The following PDE4D variants were observed in gnomAD, a reference collection of about 807,000 sequenced individuals.
PDE4D encodes 3',5'-cyclic-AMP phosphodiesterase 4D.
PDE4D carries 24 observed loss-of-function variants against 87.4 expected under a neutral mutation model. The ratio of observed to expected loss-of-function variants is 0.27; its 90% confidence interval spans 0.20 to 0.39. The LOEUF is 0.39. Among genes scored for constraint, PDE4D ranks in the 10% least tolerant of loss-of-function variants. The pLI is 1.00. For synonymous variants in PDE4D, 384 were observed against 383.2 expected (o/e 1.00, Z -0.02); for missense variants, 714 against 1,041.0 (o/e 0.69, Z 4.32).
chr5:59,187,843 T>C (rs1743280311), intron 3 of PDE4D, among the ~76,000 whole-genome samples: 1 of 152,184 alleles, frequency 6.6e-6, no homozygotes, highest in Admixed American at 6.6e-5. Context: ...TATTATCTTC[T>C]ACAGTATGAC....
chr5:60,294,825 T>C lies in PDE4D; in HGVS notation c.-89-109138A>G, dbSNP rs370938987. On this transcript the variant is annotated intron_variant, in intron 1 of 16. Coordinates refer to the PDE4D transcript ENST00000502484. ...GTAGAATTGCTGTTGTTTTTCAAGA[T>C]TATTCTGACTATTCTACCTTCTTTA... 7.9e-5 allele frequency among the ~76,000 whole-genome samples: 12 copies of C among 152,216 alleles called. No individual in the cohort carries two copies. The East Asian group carries it at 1.7e-3, about 22-fold the overall frequency.
At chr5:59,304,444 T>C (rs1457790079) in intron 1 of PDE4D, among the ~76,000 whole-genome samples, 1 of 152,010 alleles carries the variant, frequency 6.6e-6, no homozygotes, top group African/African-American at 2.4e-5. Flanking sequence ...TGAAGAAGAG[T>C]GGTGAGAGTG....
chr5:59,925,884 TAG>T (rs1326036130), intron 3 of PDE4D, among the ~76,000 whole-genome samples: 1 of 152,062 alleles, frequency 6.6e-6, no homozygotes, highest in Non-Finnish European at 1.5e-5. Flanking sequence ...TTATTAGAGC[TAG>T]AGAGAGAGGT....
At chr5:59,184,621 A>C (rs992286537) in intron 4 of PDE4D, among the ~76,000 whole-genome samples, 14 of 152,124 alleles carry the variant, frequency 9.2e-5, no homozygotes, top group African/African-American at 3.4e-4. Flanking sequence ...TTGAAAAATT[A>C]CTTTTATCTT....
At chr5:60,471,208 T>C (rs1445772108) in intron 1 of PDE4D, among the ~76,000 whole-genome samples, 2 of 152,114 alleles carry the variant, frequency 1.3e-5, no homozygotes, top group Non-Finnish European at 1.5e-5. Context: ...GTGGTGGAAA[T>C]AGCAAGAGAA....
chr5:59,127,012 T>C (rs1273973667), intron 5 of PDE4D, among the ~76,000 whole-genome samples: 3 of 152,192 alleles, frequency 2.0e-5, no homozygotes, highest in Non-Finnish European at 4.4e-5. Context: ...AAAGACTTCG[T>C]AACCTCCAAG....
chr5:59,997,611 A>C (rs1312446043), intron 2 of PDE4D, among the ~76,000 whole-genome samples: 2 of 152,194 alleles, frequency 1.3e-5, no homozygotes, highest in East Asian at 3.8e-4. Context: ...TTCCCTTTCC[A>C]CATGCAGAGA....
chr5:58,990,420 A>G lies in PDE4D; in HGVS notation c.1287+384T>C, dbSNP rs1054223768. 2.6e-4 allele frequency among the ~76,000 whole-genome samples: 39 copies of G among 152,160 alleles called. 1 individual carries two copies. The highest frequency in any genetic ancestry group is 7.3e-5 in the Non-Finnish European group (5 of 68,036). ...GAAAGAAGCAGGACACAAGAAAGTG[A>G]CTGAAAAAACTATATTCTAAGGTTA... On this transcript the variant is annotated intron_variant, in intron 9 of 14. Transcript: ENST00000340635.
chr5:60,052,951 A>G (rs1196914320), intron 2 of PDE4D, among the ~76,000 whole-genome samples: 5 of 152,228 alleles, frequency 3.3e-5, no homozygotes, highest in Admixed American at 1.3e-4. Context: ...TGCTACAAAG[A>G]GAATAAAATA....
intron 1 of PDE4D, among the ~76,000 whole-genome samples, chr5:59,535,577 A>G (rs1424553774): frequency 6.6e-6 from 1 of 152,208 alleles, no homozygotes; most frequent in Non-Finnish European, 1.5e-5. Flanking sequence ...GTTGTCAACA[A>G]TAGTGTTTCA....
intron 5 of PDE4D, among the ~76,000 whole-genome samples, chr5:59,090,861 C>T (rs1768599106): frequency 1.6e-5 from 2 of 125,174 alleles, no homozygotes; most frequent in African/African-American, 6.2e-5. Context: ...TCAGGAGATG[C>T]TGCAAAATAT....
intron 1 of PDE4D, among the ~76,000 whole-genome samples, chr5:60,212,125 G>A (rs1164248379): frequency 1.3e-5 from 2 of 152,054 alleles, no homozygotes; most frequent in Non-Finnish European, 2.9e-5. Flanking sequence ...TTTATTTTAA[G>A]TGTCACTAAA....
chr5:60,493,321 G>A (rs1749633096), intron 1 of PDE4D, among the ~76,000 whole-genome samples: 1 of 152,208 alleles, frequency 6.6e-6, no homozygotes, highest in Admixed American at 6.5e-5. Context: ...GGAGAAAAAA[G>A]AGGGTTACCG....
At chr5:59,519,636 A>AG in intron 1 of PDE4D, among the ~76,000 whole-genome samples, 1 of 152,200 alleles carries the variant, frequency 6.6e-6, no homozygotes, top group South Asian at 2.1e-4. Context: ...GTAGAAGTTT[A>AG]ACAGACATAG....
At chr5:59,269,599 C>T (rs1763442669) in intron 1 of PDE4D, among the ~76,000 whole-genome samples, 1 of 151,776 alleles carries the variant, frequency 6.6e-6, no homozygotes, top group Non-Finnish European at 1.5e-5. Context: ...CAGTCATTAG[C>T]TTAGTGGTTT....
At chr5:59,805,584 A>G (rs1032448083) in intron 1 of PDE4D, among the ~76,000 whole-genome samples, 2 of 152,192 alleles carry the variant, frequency 1.3e-5, no homozygotes, top group African/African-American at 4.8e-5. Flanking sequence ...AAGTCAGGAC[A>G]TTTTCACTTC....
chr5:58,980,881 A>G (rs1744959697), intron 11 of PDE4D, among the ~76,000 whole-genome samples: 2 of 152,184 alleles, frequency 1.3e-5, no homozygotes, highest in Non-Finnish European at 2.9e-5. Flanking sequence ...GAGTCCAAGA[A>G]GTCCCATGTC....
chr5:60,205,187 A>G (rs777834281), intron 1 of PDE4D, among the ~76,000 whole-genome samples: 1 of 152,208 alleles, frequency 6.6e-6, no homozygotes, highest in East Asian at 1.9e-4. Context: ...GCCCAGCTTC[A>G]TGACCCACTG....
At chr5:59,767,334 C>T (rs368977553) in intron 1 of PDE4D, among the ~76,000 whole-genome samples, 94 of 152,214 alleles carry the variant, frequency 6.2e-4, no homozygotes, top group African/African-American at 2.1e-3. Context: ...CTACTACTAC[C>T]TGAAATTATC....
Sources: allele counts gnomAD v4.1 joint callset (sites outside exome capture counted in the v4.1 genomes callset), GRCh38; gene constraint gnomAD v4.1.1; transcripts MANE v1.5; gene names NCBI Gene and HGNC (gene_info 2026-07-23, HGNC 2026-07-21).